Variants in TMEM135 observed in about 807,000 individuals in gnomAD.
TMEM135 encodes the protein transmembrane protein 135.
In TMEM135, 30 loss-of-function variants were observed where a neutral mutation model predicts 60.3. The observed-to-expected ratio is 0.50, with a 90% CI of 0.37 to 0.68. The LOEUF (loss-of-function observed/expected upper bound fraction) is 0.68. Ranked by LOEUF, TMEM135 falls within the 30% of genes least tolerant of loss-of-function variation. The pLI, the probability that TMEM135 is intolerant of heterozygous loss-of-function variation, is 0.00. For missense variants in TMEM135, 468 were observed against 548.8 expected, an observed-to-expected ratio of 0.85 and a Z score of 1.47; for synonymous variants, 190 against 186.7, an observed-to-expected ratio of 1.02 and a Z score of -0.14.
chr11:87,194,250 T>C (rs2135320607), intron 5 of TMEM135, among the ~76,000 whole-genome samples: 1 of 152,332 alleles, frequency 6.6e-6, no homozygotes, highest in Non-Finnish European at 1.5e-5. Context: ...AGCTGCTGTT[T>C]CTTGCACGTA....
intron 5 of TMEM135, among the ~76,000 whole-genome samples, chr11:87,197,911 T>C (rs1257537237): frequency 6.6e-6 from 1 of 152,054 alleles, no homozygotes; most frequent in Non-Finnish European, 1.5e-5. Context: ...AAAATATTTA[T>C]CTATTTTTAT....
In TMEM135 at chr11:87,314,513, C is replaced by A. The variant is rs1484557540; in HGVS notation, c.1043C>A (p.Thr348Lys). 6.2e-7 allele frequency: 1 copy of A among 1,610,884 alleles called. No individual in the cohort carries two copies. The highest frequency in any genetic ancestry group is 1.7e-5 in the Admixed American group (1 of 59,826). ...GISMMFYKST[T>K]ISMYLASKLV... ...TCAATGATGTTTTATAAAAGCACAA[C>A]AATTTCCATGTATTTAGCGTCCAAA... The change falls in exon 12 of 15, where the codon ACA becomes AAA. Residue 348 changes from threonine to lysine, a missense_variant. Thr to Lys is a moderately conservative substitution (Grantham distance 78, BLOSUM62 -1). Coordinates refer to ENST00000305494, the MANE Select transcript of TMEM135 (RefSeq NM_022918.4).
At chr11:87,279,314 C>T (rs1051504510) in intron 6 of TMEM135, among the ~76,000 whole-genome samples, 1 of 152,090 alleles carries the variant, frequency 6.6e-6, no homozygotes, top group Admixed American at 6.6e-5. Flanking sequence ...GTCTGTGGCT[C>T]ACTGTTTCAC....
chr11:87,071,411 G>A (rs1290203249), intron 2 of TMEM135, 112 bp from the exon 3 acceptor site: 1 of 771,272 alleles, frequency 1.3e-6, no homozygotes, highest in Admixed American at 2.1e-5. Context: ...TTTATTTTGA[G>A]GTAGTGTGGT....
intron 4 of TMEM135, among the ~76,000 whole-genome samples, chr11:87,149,615 T>A (rs1183831326): frequency 1.3e-5 from 2 of 152,212 alleles, no homozygotes; most frequent in East Asian, 3.8e-4. Context: ...TCTTCCACCT[T>A]ACTGAGCACT....
chr11:87,275,501 A>G (rs541255633), intron 6 of TMEM135, among the ~76,000 whole-genome samples: 5 of 152,212 alleles, frequency 3.3e-5, no homozygotes, highest in Non-Finnish European at 2.9e-5. Flanking sequence ...ATAACCAAAT[A>G]TATCACCCTG....
At chr11:87,122,431 G>GTTTTT (rs1565450461) in intron 4 of TMEM135, among the ~76,000 whole-genome samples, 1 of 88,194 alleles carries the variant, frequency 1.1e-5, no homozygotes, top group East Asian at 3.1e-4. Context: ...TTATCATTTA[G>GTTTTT]TTTTTATATT....
chr11:87,231,518 T>C (rs143755563), intron 5 of TMEM135, among the ~76,000 whole-genome samples: 189 of 152,242 alleles, frequency 1.2e-3, no homozygotes, highest in African/African-American at 4.2e-3. Context: ...TCCAAGTAAC[T>C]GTGTCTCACG....
At chr11:87,039,172 A>G (rs938780794) in intron 1 of TMEM135, among the ~76,000 whole-genome samples, 21 of 152,344 alleles carry the variant, frequency 1.4e-4, no homozygotes, top group African/African-American at 4.1e-4. Flanking sequence ...AAAGTGTGTC[A>G]TGGCTGTATC....
intron 9 of TMEM135, among the ~76,000 whole-genome samples, chr11:87,308,539 A>T (rs1942589561): frequency 6.6e-6 from 1 of 152,210 alleles, no homozygotes; most frequent in Non-Finnish European, 1.5e-5. Flanking sequence ...CAGTCCAGAA[A>T]ATACAAACCT....
chr11:87,156,890 C>T (rs1345665514), intron 4 of TMEM135, among the ~76,000 whole-genome samples: 6 of 152,032 alleles, frequency 3.9e-5, no homozygotes, highest in Non-Finnish European at 8.8e-5. Context: ...CAAACTAATT[C>T]GAAACTATAG....
At chr11:87,051,726 G>A (rs1949842397) in intron 1 of TMEM135, among the ~76,000 whole-genome samples, 1 of 8,902 alleles carries the variant, frequency 1.1e-4, no homozygotes, top group Non-Finnish European at 1.5e-4. Flanking sequence ...TCGTGAAAAT[G>A]GCCATACTGC....
chr11:87,082,783 T>A (rs762900817), intron 3 of TMEM135, among the ~76,000 whole-genome samples: 1 of 152,132 alleles, frequency 6.6e-6, no homozygotes, highest in African/African-American at 2.4e-5. Context: ...CGAGAAAGAG[T>A]AGAAGAAACA....
chr11:87,085,640 C>G (rs953257530), intron 3 of TMEM135, among the ~76,000 whole-genome samples: 6 of 152,062 alleles, frequency 3.9e-5, no homozygotes, highest in African/African-American at 1.4e-4. Flanking sequence ...GCCTGTGGTG[C>G]TGGCTACTCG....
intron 4 of TMEM135, chr11:87,095,290 C>G (rs1857298318): frequency 1.0e-5 from 2 of 193,356 alleles, no homozygotes; most frequent in Non-Finnish European, 2.3e-5. Context: ...AACAAAGAAG[C>G]AATTAAGAAA....
chr11:87,174,917 G>C (rs754774225), intron 5 of TMEM135, among the ~76,000 whole-genome samples: 1 of 152,070 alleles, frequency 6.6e-6, no homozygotes, highest in Non-Finnish European at 1.5e-5. Context: ...TCTCTAATGT[G>C]GTGGGAAGAA....
At chr11:87,146,798 C>G (rs1180840744) in intron 4 of TMEM135, among the ~76,000 whole-genome samples, 7 of 151,864 alleles carry the variant, frequency 4.6e-5, no homozygotes. Flanking sequence ...TAACTGTGAC[C>G]ATCTTACAGA....
chr11:87,304,126 T>C (rs889910129), intron 8 of TMEM135, among the ~76,000 whole-genome samples: 6 of 152,100 alleles, frequency 3.9e-5, no homozygotes, highest in Non-Finnish European at 5.9e-5. Context: ...AAACTAACAC[T>C]TTGGGAGACT....
chr11:87,287,715 A>T (rs1032597990), intron 6 of TMEM135, among the ~76,000 whole-genome samples: 59 of 152,318 alleles, frequency 3.9e-4, no homozygotes, highest in African/African-American at 1.3e-3. Context: ...GTATGTATGT[A>T]TGTATTTTTT....
Sources: gnomAD v4.1 joint callset for allele counts (sites outside exome capture counted in the v4.1 genomes callset) on GRCh38, gnomAD v4.1.1 for gene constraint, MANE v1.5 for transcripts, NCBI Gene and HGNC (gene_info 2026-07-23, HGNC 2026-07-21) for gene names.